Variants in PIEZO2 observed in about 807,000 individuals in gnomAD.
The protein encoded by PIEZO2 is piezo type mechanosensitive ion channel component 2.
A neutral mutation model predicts 337.3 loss-of-function variants in PIEZO2; 172 were observed. The ratio of observed to expected loss-of-function variants is 0.51; its 90% CI spans 0.45 to 0.58. The LOEUF (loss-of-function observed/expected upper bound fraction) is 0.58. Ranked by LOEUF, PIEZO2 falls within the 20% of genes least tolerant of loss-of-function variation. The pLI is 0.00. For synonymous variants in PIEZO2, 1,251 were observed against 1,228.5 expected (o/e 1.02, Z -0.38); for missense variants, 3,028 against 3,391.3 (o/e 0.89, Z 2.66).
chr18:11,107,336 G>A (rs1382874596), intron 1 of PIEZO2, among the ~76,000 whole-genome samples: 1 of 152,170 alleles, frequency 6.6e-6, no homozygotes, highest in Non-Finnish European at 1.5e-5. Context: ...AAATATGCCA[G>A]AGGGTGTTAT....
intron 1 of PIEZO2, among the ~76,000 whole-genome samples, chr18:11,093,634 T>C (rs1369423174): frequency 7.5e-6 from 1 of 133,204 alleles, no homozygotes; most frequent in Non-Finnish European, 1.6e-5. Context: ...TCGCCCAGGC[T>C]GGAGTGCAGT....
chr18:11,080,375 G>C lies in PIEZO2; in HGVS notation c.65-14153C>G, dbSNP rs2038695175. ...CAACATCATTACATATGGCCTTGTA[G>C]AATTTCACCATCTATACATGCTACT... is the stretch of plus-strand genomic sequence containing the variant. On this transcript the variant is annotated intron_variant, in intron 1 of 55. Coordinates refer to ENST00000674853, the MANE Select transcript of PIEZO2 (RefSeq NM_001378183.1). The surrounding 1 kb of genome is among the most constrained non-coding windows in gnomAD (Gnocchi z 5.4). Among the ~76,000 whole-genome samples, 1 of 152,196 alleles carries C rather than the reference G, an allele frequency of 6.6e-6. No individual in the cohort carries two copies. The highest frequency in any genetic ancestry group is 2.4e-5 in the African/African-American group (1 of 41,454).
chr18:10,844,445 A>AAAATAAAATAAAATAAAATAAAATG (rs1239352675), intron 7 of PIEZO2, among the ~76,000 whole-genome samples: 1 of 150,528 alleles, frequency 6.6e-6, no homozygotes, highest in Non-Finnish European at 1.5e-5. Flanking sequence ...AAAATAAAAT[A>AAAATAAAATAAAATAAAATAAAATG]AAAATAAAGG....
chr18:11,103,808 T>C (rs150166844), intron 1 of PIEZO2, among the ~76,000 whole-genome samples: 2,278 of 134,210 alleles, frequency 0.017, 19 homozygotes, highest in Admixed American at 0.031. Flanking sequence ...TGTGTGTGTG[T>C]GCGTGTGTGC....
intron 33 of PIEZO2, 132 bp from the exon 34 acceptor site, chr18:10,736,842 GAAAAC>G: frequency 9.9e-7 from 1 of 1,014,820 alleles, no homozygotes; most frequent in Non-Finnish European, 1.4e-6. Context: ...TGGCAGAGAG[GAAAAC>G]ACACAAGATG....
At chr18:10,760,757 G>A (rs2038092782) in intron 24 of PIEZO2, among the ~76,000 whole-genome samples, 154 bp downstream of exon 24, 1 of 152,224 alleles carries the variant, frequency 6.6e-6, no homozygotes, top group South Asian at 2.1e-4. Context: ...AGTCAAGCCA[G>A]TTAACCATCA....
intron 1 of PIEZO2, among the ~76,000 whole-genome samples, chr18:11,121,629 C>T (rs940135298): frequency 2.1e-4 from 32 of 152,278 alleles, no homozygotes; most frequent in African/African-American, 7.2e-4. Flanking sequence ...TTCGGCTTGC[C>T]CAGTAAGTCC....
rs1434990995 is a variant in PIEZO2 at position 11,110,532 on chromosome 18, C to T, written c.64+37993G>A. On this transcript the variant is annotated intron_variant, in intron 1 of 55. Transcript: ENST00000674853. The surrounding 1 kb of genome is among the most constrained non-coding windows in gnomAD (Gnocchi z 4.2). Reference sequence around the variant, plus strand: ...GTAAGTGTCTGGGCCTTTCCTCAAACAACAAAGACACAGCAGAGCGGGGGA... The same window carrying T: ...GTAAGTGTCTGGGCCTTTCCTCAAATAACAAAGACACAGCAGAGCGGGGGA... 3.9e-5 allele frequency among the ~76,000 whole-genome samples: 6 copies of T among 152,188 alleles called. No homozygotes were observed. The highest frequency in any genetic ancestry group is 3.9e-4 in the Admixed American group (6 of 15,272).
intron 7 of PIEZO2, among the ~76,000 whole-genome samples, chr18:10,817,659 C>T (rs2040401396): frequency 6.6e-6 from 1 of 152,098 alleles, no homozygotes; most frequent in Non-Finnish European, 1.5e-5. Flanking sequence ...CGCGGTGGCT[C>T]ACGCCTGTAA....
At chr18:10,946,932 C>T (rs1168534154) in intron 3 of PIEZO2, among the ~76,000 whole-genome samples, 3 of 151,626 alleles carry the variant, frequency 2.0e-5, no homozygotes, top group Non-Finnish European at 4.4e-5. Context: ...AATTTTAAAG[C>T]AGAAATTGTA....
chr18:10,785,467 T>C (rs927324909), intron 16 of PIEZO2, among the ~76,000 whole-genome samples: 7 of 152,250 alleles, frequency 4.6e-5, no homozygotes, highest in Non-Finnish European at 7.3e-5. Flanking sequence ...AAATTGCTAC[T>C]GGAAATTGGT....
At chr18:10,782,160 T>C (rs2039008315) in intron 17 of PIEZO2, among the ~76,000 whole-genome samples, 1 of 139,928 alleles carries the variant, frequency 7.1e-6, no homozygotes, top group Admixed American at 7.8e-5. Context: ...GTTATAATTA[T>C]ATATTATATA....
At chr18:10,858,329 A>ACCCCC (rs1431734405) in intron 5 of PIEZO2, among the ~76,000 whole-genome samples, 2 of 135,904 alleles carry the variant, frequency 1.5e-5, no homozygotes, top group African/African-American at 5.9e-5. Flanking sequence ...CCCAAAAAAA[A>ACCCCC]AAAAAAAAAA....
intron 4 of PIEZO2, among the ~76,000 whole-genome samples, chr18:10,906,387 A>C (rs1005925072): frequency 4.6e-5 from 7 of 152,206 alleles, no homozygotes; most frequent in African/African-American, 1.7e-4. Flanking sequence ...TGTTATTTTT[A>C]AATAGACAGC....
In PIEZO2 at chr18:10,699,435, G is replaced by C. The variant is rs2035240257; in HGVS notation, c.6442-258C>G. On this transcript the variant is annotated intron_variant, in intron 43 of 55. Transcript: ENST00000674853. ...TGAATAAGTCTCATGAGATCCGATG[G>C]TTATAAAAAGGGGAGTTTCCCTGAA... Among the ~76,000 whole-genome samples, 2 of 152,136 alleles carry C rather than the reference G, an allele frequency of 1.3e-5. 1 individual carries two copies. The highest frequency in any genetic ancestry group is 4.1e-4 in the South Asian group (2 of 4,834).
chr18:10,974,635 C>G (rs1271711255), intron 3 of PIEZO2, among the ~76,000 whole-genome samples: 1 of 152,214 alleles, frequency 6.6e-6, no homozygotes, highest in Non-Finnish European at 1.5e-5. Context: ...GAAAGCCAGA[C>G]AGATCCGTGC....
rs2033398282 is a variant in PIEZO2 at position 10,953,713 on chromosome 18, G to T, written c.286+25822C>A. Among the ~76,000 whole-genome samples, 1 of 152,086 alleles carries T rather than the reference G, an allele frequency of 6.6e-6. No homozygotes were observed. ...AGATGGTTGAACACATCGCAACACTGGGCAGATAGATGGGCAGCATTTTAT... is the reference window on the plus strand; with the variant it reads ...AGATGGTTGAACACATCGCAACACTTGGCAGATAGATGGGCAGCATTTTAT... On this transcript the variant is annotated intron_variant, in intron 3 of 55. Coordinates refer to ENST00000674853, the MANE Select transcript of PIEZO2 (RefSeq NM_001378183.1). This position sits in a 1 kb window ranked among gnomAD's most constrained non-coding sequence, Gnocchi z 5.2.
rs1288585054 is a variant in PIEZO2 at position 11,111,084 on chromosome 18, C to A, written c.64+37441G>T. Among the ~76,000 whole-genome samples the A allele has an allele frequency of 2.0e-5, 3 of 152,188 alleles. No individual in the cohort carries two copies. Among genetic ancestry groups the A allele is most frequent in the Admixed American group, 6.5e-5 (1 of 15,284 alleles). ...GACAGACAGGGAGCCTCCCCAAGCA[C>A]TAGGGAGGTGCCTGCCTCAGTGCCT... On this transcript the variant is annotated intron_variant, in intron 1 of 55. Transcript: ENST00000674853. This position sits in a 1 kb window ranked among gnomAD's most constrained non-coding sequence, Gnocchi z 6.2.
At chr18:10,769,054 T>A (rs555749205) in intron 21 of PIEZO2, among the ~76,000 whole-genome samples, 1 of 152,390 alleles carries the variant, frequency 6.6e-6, no homozygotes, top group South Asian at 2.1e-4. Flanking sequence ...AAATGGTCTC[T>A]GTGCATTTTT....
Sources: allele counts gnomAD v4.1 joint callset (sites outside exome capture counted in the v4.1 genomes callset), GRCh38; gene constraint gnomAD v4.1.1; non-coding constraint Gnocchi (gnomAD v3.1); transcripts MANE v1.5; gene names NCBI Gene and HGNC (gene_info 2026-07-23, HGNC 2026-07-21).